NECAP1: variants seen among roughly 807,000 people sequenced by gnomAD.
NECAP1 encodes NECAP endocytosis associated 1.
In NECAP1, 13 loss-of-function variants were observed where a neutral mutation model predicts 33.4. The observed-to-expected ratio is 0.39, with a 90% CI of 0.25 to 0.62. The LOEUF (loss-of-function observed/expected upper bound fraction) is 0.62, where lower values mean the gene tolerates loss of function less well. Among genes scored for constraint, NECAP1 ranks in the 20% least tolerant of loss-of-function variants. The probability of loss-of-function intolerance (pLI) is 0.52; values close to 1 mark genes in which losing one functional copy is unlikely to be tolerated. For synonymous variants in NECAP1, 109 were observed against 125.2 expected (o/e 0.87, Z 0.86); for missense variants, 272 against 347.4 (o/e 0.78, Z 1.73).
At chr12:8,095,858 T>C in intron 7 of NECAP1, 155 bp downstream of exon 7, 1 of 1,070,172 alleles carries the variant, frequency 9.3e-7, no homozygotes, top group South Asian at 1.5e-5. Context: ...GTGCTGGGAA[T>C]GGGGGGACAA....
At chr12:8,089,714 C>T in intron 1 of NECAP1, 1 of 503,346 alleles carries the variant, frequency 2.0e-6, no homozygotes, top group Non-Finnish European at 3.5e-6. Context: ...TTTAATGATG[C>T]TTATTGGACT....
At chr12:8,086,563 G>A (rs1947491774) in intron 1 of NECAP1, among the ~76,000 whole-genome samples, 1 of 152,142 alleles carries the variant, frequency 6.6e-6, no homozygotes, top group African/African-American at 2.4e-5. Context: ...GCAATGAGCT[G>A]AGATCATGCC....
In NECAP1 at chr12:8,089,783, G is replaced by A. The variant is rs762109058; in HGVS notation, c.96-153G>A. 2.2e-4 allele frequency: 145 copies of A among 649,714 alleles called. No homozygotes were observed. The South Asian group carries it at 2.5e-3, about 11-fold the overall frequency. 40.2% of individuals were successfully genotyped at this position (649,714 alleles called of 1,614,324 possible). ...TTGCTTTGGACTGTATGTAACATGA[G>A]GCATCTAAATAGATCATGAATTATT... On this transcript the variant is annotated intron_variant, in intron 1 of 7. Transcript: ENST00000339754.
At position 8,082,276 on chromosome 12, in the gene NECAP1, C is replaced by G. The variant is rs115269413; in HGVS notation, c.-13C>G. 4.7e-4 allele frequency: 751 copies of G among 1,585,400 alleles called. 3 individuals carry two copies. The African/African-American group carries it at 9.2e-3, about 19-fold the overall frequency. ...TACGTTTCGCCCCCGGCAGCGCCGA[C>G]AGCGGACCCAAGATGGCGACCGAGT... is the stretch of plus-strand genomic sequence containing the variant. On this transcript the variant is annotated 5_prime_UTR_variant, in exon 1 of 8. Coordinates refer to ENST00000339754, the MANE Select transcript of NECAP1 (RefSeq NM_015509.4).
intron 1 of NECAP1, among the ~76,000 whole-genome samples, chr12:8,086,605 C>G (rs949823422): frequency 6.6e-6 from 1 of 151,986 alleles, no homozygotes; most frequent in Non-Finnish European, 1.5e-5. Context: ...CAGAGCAGGA[C>G]TGCGTCTCAA....
At chr12:8,086,512 G>T (rs1207424887) in intron 1 of NECAP1, among the ~76,000 whole-genome samples, 3 of 152,072 alleles carry the variant, frequency 2.0e-5, no homozygotes, top group Non-Finnish European at 4.4e-5. Flanking sequence ...TACCTGGGAG[G>T]CTGAGGCAGT....
At chr12:8,093,248 G>T in intron 6 of NECAP1, 193 bp downstream of exon 6, 1 of 531,870 alleles carries the variant, frequency 1.9e-6, no homozygotes, top group Non-Finnish European at 3.2e-6. Context: ...AGGTTCTTTG[G>T]CAGAAAATAT....
intron 1 of NECAP1, among the ~76,000 whole-genome samples, chr12:8,085,163 G>A (rs1947475464): frequency 6.6e-6 from 1 of 152,170 alleles, no homozygotes; most frequent in Non-Finnish European, 1.5e-5. Flanking sequence ...GGGACTACAG[G>A]CACGTGCCAC....
intron 3 of NECAP1, 73 bp from the exon 4 acceptor site, chr12:8,091,696 G>A: frequency 7.5e-7 from 1 of 1,340,162 alleles, no homozygotes. Flanking sequence ...ACAGGCCACA[G>A]ACTGGTGCCG....
chr12:8,086,647 G>T (rs188832485), intron 1 of NECAP1, among the ~76,000 whole-genome samples: 1 of 151,120 alleles, frequency 6.6e-6, no homozygotes, highest in Admixed American at 6.6e-5. Flanking sequence ...CAAATGCTTA[G>T]AAAACAATCT....
At chr12:8,090,411 T>C (rs1947532786) in intron 3 of NECAP1, 112 bp downstream of exon 3, 1 of 963,074 alleles carries the variant, frequency 1.0e-6, no homozygotes. Flanking sequence ...TCATTTTTTC[T>C]TCCCTTTCTC....
intron 1 of NECAP1, among the ~76,000 whole-genome samples, chr12:8,086,306 A>G (rs999996083): frequency 2.6e-5 from 4 of 151,958 alleles, no homozygotes; most frequent in African/African-American, 9.7e-5. Context: ...GGGAAGGAAA[A>G]TTTGGGTTGA....
Position 8,097,269 on chromosome 12 carries a change from A to G in NECAP1, c.*1179A>G, listed in dbSNP as rs772730139. 1.3e-4 allele frequency: 20 copies of G among 152,676 alleles called. No homozygotes were observed. Among genetic ancestry groups the G allele is most frequent in the African/African-American group, 4.8e-4 (20 of 41,552 alleles). 9.5% of individuals were successfully genotyped at this position (152,676 alleles called of 1,614,324 possible). On this transcript the variant is annotated 3_prime_UTR_variant, in exon 8 of 8. Coordinates refer to ENST00000339754, the MANE Select transcript of NECAP1 (RefSeq NM_015509.4). ...CCTCTGCCCTGCCATTCCTATTACAATGCTGTGAAAAAAGTTCTGCTTCTT... is the reference window on the plus strand; with the variant it reads ...CCTCTGCCCTGCCATTCCTATTACAGTGCTGTGAAAAAAGTTCTGCTTCTT...
intron 4 of NECAP1, chr12:8,092,326 C>A (rs1947556787): frequency 7.6e-6 from 2 of 264,166 alleles, no homozygotes; most frequent in African/African-American, 4.5e-5. Flanking sequence ...TTAGGACTCT[C>A]TGAAGTTATA....
At position 8,089,939 on chromosome 12, in the gene NECAP1, C is replaced by T. The variant is rs1349285211; in HGVS notation, c.99C>T (p.Ala33=). 6.2e-7 allele frequency: 1 copy of T among 1,613,786 alleles called. No homozygotes were observed. Reference sequence around the variant, plus strand: ...GCTTCCTCTTTTCCTGTCCTAGGGCCTCTGACTGGAAATTAGACCAGCCTG... The same window carrying T: ...GCTTCCTCTTTTCCTGTCCTAGGGCTTCTGACTGGAAATTAGACCAGCCTG... ...PPRASNRGYR[A]SDWKLDQPDW... is the part of the protein sequence containing the mutation. Residue 33 remains alanine, a synonymous_variant, in exon 2 of 8, where the codon GCC becomes GCT. Coordinates refer to ENST00000339754, the MANE Select transcript of NECAP1 (RefSeq NM_015509.4).
rs749967141 is a variant in NECAP1 at position 8,091,555 on chromosome 12, C to G, written c.302-214C>G. 96 of 561,454 alleles carry G rather than the reference C, an allele frequency of 1.7e-4. No homozygotes were observed. The African/African-American group carries it at 1.7e-3, about 10-fold the overall frequency. 34.8% of individuals were successfully genotyped at this position (561,454 alleles called of 1,614,324 possible). On this transcript the variant is annotated intron_variant, in intron 3 of 7. Coordinates refer to ENST00000339754, the MANE Select transcript of NECAP1 (RefSeq NM_015509.4). ...GTAGGGTTCACACCCCTCTGAGAAT[C>G]TAATGCTGCCACTGATCTGACAGGA...
At chr12:8,082,417 C>G in intron 1 of NECAP1, 34 bp downstream of exon 1, 1 of 1,580,358 alleles carries the variant, frequency 6.3e-7, no homozygotes, top group South Asian at 1.1e-5. Flanking sequence ...CACACGCGTA[C>G]TCTGTCGCAG....
chr12:8,089,806 ATTC>A, intron 1 of NECAP1, 127 bp from the exon 2 acceptor site: 1 of 719,982 alleles, frequency 1.4e-6, no homozygotes, highest in South Asian at 1.6e-5. Flanking sequence ...ATCATGAATT[ATTC>A]TTGTTGATTA....
In NECAP1 at chr12:8,097,676, T is replaced by G. The variant is rs1224553466; in HGVS notation, c.*1586T>G. 1.3e-5 allele frequency: 2 copies of G among 152,640 alleles called. No individual in the cohort carries two copies. The highest frequency in any genetic ancestry group is 2.9e-5 in the Non-Finnish European group (2 of 68,036). 9.5% of individuals were successfully genotyped at this position (152,640 alleles called of 1,614,324 possible). On this transcript the variant is annotated 3_prime_UTR_variant, in exon 8 of 8. Transcript: ENST00000339754. The stretch of plus-strand genomic sequence containing the variant: ...CTTGAGATGATAATATATTATGTAT[T>G]TGAATTCCTGAAAAATGGAAAATGT...
Sources: allele counts gnomAD v4.1 joint callset (sites outside exome capture counted in the v4.1 genomes callset), GRCh38; gene constraint gnomAD v4.1.1; transcripts MANE v1.5; gene names NCBI Gene and HGNC (gene_info 2026-07-23, HGNC 2026-07-21).